WWOX: variants seen among roughly 807,000 people sequenced by gnomAD.
WWOX encodes WW domain containing oxidoreductase, also known as WW domain-containing oxidoreductase.
A neutral mutation model predicts 46.2 loss-of-function variants in WWOX; 69 were observed. That is an observed-to-expected ratio of 1.49 (90% CI 1.23 to 1.82). The LOEUF is 1.82. Among genes scored for constraint, WWOX ranks in the 40% most tolerant of loss-of-function variants. WWOX has a pLI of 0.00. For synonymous variants in WWOX, 359 were observed against 202.6 expected (o/e 1.77, Z -6.56); for missense variants, 919 against 542.6 (o/e 1.69, Z -6.89).
intron 8 of WWOX, among the ~76,000 whole-genome samples, chr16:78,970,034 G>A (rs1271139111): frequency 6.6e-6 from 1 of 152,090 alleles, no homozygotes; most frequent in Non-Finnish European, 1.5e-5. Context: ...TTAAAAAATT[G>A]TATGAAAACT....
At chr16:78,913,431 G>A (rs2045163310) in intron 8 of WWOX, among the ~76,000 whole-genome samples, 1 of 151,824 alleles carries the variant, frequency 6.6e-6, no homozygotes, top group South Asian at 2.1e-4. Flanking sequence ...AACCTGTCTT[G>A]CAAAACCCTC....
chr16:78,677,585 C>T (rs938474410), intron 8 of WWOX, among the ~76,000 whole-genome samples: 1 of 152,196 alleles, frequency 6.6e-6, no homozygotes, highest in African/African-American at 2.4e-5. Context: ...ACCCCCAAAA[C>T]TCCATGTTGT....
chr16:78,165,042 C>G (rs958806737), intron 5 of WWOX, among the ~76,000 whole-genome samples: 1 of 152,172 alleles, frequency 6.6e-6, no homozygotes, highest in Non-Finnish European at 1.5e-5. Context: ...GAGGTAGGCA[C>G]AAGCCTGGAG....
intron 5 of WWOX, among the ~76,000 whole-genome samples, chr16:78,275,898 C>G (rs568186001): frequency 6.6e-6 from 1 of 151,954 alleles, no homozygotes; most frequent in Admixed American, 6.5e-5. Flanking sequence ...AGCCTCTTGT[C>G]GAGGAGTGCA....
At chr16:79,156,040 C>T (rs140980776) in intron 8 of WWOX, among the ~76,000 whole-genome samples, 3 of 152,118 alleles carry the variant, frequency 2.0e-5, no homozygotes, top group East Asian at 1.9e-4. Context: ...TTACAATTTC[C>T]AGGAAATCAG....
chr16:78,544,776 G>A (rs1306925196), intron 8 of WWOX, among the ~76,000 whole-genome samples: 1 of 152,146 alleles, frequency 6.6e-6, no homozygotes, highest in Non-Finnish European at 1.5e-5. Context: ...TCAGGAGACT[G>A]CGGTAGGGGG....
At chr16:78,132,465 T>G (rs1337941130) in intron 4 of WWOX, among the ~76,000 whole-genome samples, 1 of 152,232 alleles carries the variant, frequency 6.6e-6, no homozygotes, top group East Asian at 1.9e-4. Flanking sequence ...CAAGTTTAAT[T>G]GCTTCTTCTG....
intron 5 of WWOX, among the ~76,000 whole-genome samples, chr16:78,327,619 A>G (rs1405293228): frequency 3.9e-5 from 6 of 152,160 alleles, no homozygotes; most frequent in African/African-American, 1.4e-4. Flanking sequence ...TTGCCATGAC[A>G]CAGAGATTCC....
chr16:78,788,814 G>T (rs571515327), intron 8 of WWOX, among the ~76,000 whole-genome samples: 1 of 152,286 alleles, frequency 6.6e-6, no homozygotes, highest in South Asian at 2.1e-4. Flanking sequence ...CTGGGGGTAT[G>T]GGGGGCAGTC....
At chr16:78,802,447 G>C (rs2050915478) in intron 8 of WWOX, among the ~76,000 whole-genome samples, 1 of 151,966 alleles carries the variant, frequency 6.6e-6, no homozygotes, top group Non-Finnish European at 1.5e-5. Context: ...GTTTATGGAA[G>C]GCTTTGGAAA....
At chr16:78,701,576 A>G (rs2048218803) in intron 8 of WWOX, among the ~76,000 whole-genome samples, 1 of 150,372 alleles carries the variant, frequency 6.7e-6, no homozygotes, top group African/African-American at 2.5e-5. Context: ...CCCCCGATAT[A>G]CTCAACATAT....
chr16:79,171,616 A>C (rs1169095992), intron 8 of WWOX, among the ~76,000 whole-genome samples: 1 of 152,190 alleles, frequency 6.6e-6, no homozygotes, highest in East Asian at 1.9e-4. Flanking sequence ...AGAGTATCTC[A>C]GTGTTGAGTC....
chr16:78,805,134 G>C (rs1293708472), intron 8 of WWOX, among the ~76,000 whole-genome samples: 2 of 141,288 alleles, frequency 1.4e-5, no homozygotes, highest in Non-Finnish European at 3.1e-5. Flanking sequence ...AAAATTTAAG[G>C]ACTAGATTGT....
chr16:78,986,619 A>T (rs1158319094), intron 8 of WWOX, among the ~76,000 whole-genome samples: 1 of 152,090 alleles, frequency 6.6e-6, no homozygotes, highest in African/African-American at 2.4e-5. Context: ...GGCGGACATC[A>T]CTCATTCATC....
intron 8 of WWOX, among the ~76,000 whole-genome samples, chr16:78,699,253 G>A (rs2048162544): frequency 6.6e-6 from 1 of 152,166 alleles, no homozygotes; most frequent in African/African-American, 2.4e-5. Context: ...AGTTCATGCA[G>A]CACGGTGTGA....
intron 5 of WWOX, among the ~76,000 whole-genome samples, chr16:78,183,610 A>C (rs1373858119): frequency 6.6e-6 from 1 of 152,182 alleles, no homozygotes; most frequent in African/African-American, 2.4e-5. Context: ...ATTAAATGAG[A>C]TAACAGTGCC....
chr16:79,142,477 C>T (rs977649427), intron 8 of WWOX, among the ~76,000 whole-genome samples: 4 of 152,178 alleles, frequency 2.6e-5, no homozygotes, highest in Admixed American at 2.6e-4. Flanking sequence ...GGGCTCCCTC[C>T]TCCCCACCAA....
chr16:79,094,237 GTTTTTCTTTTTTTTTTT>G (rs2049022976), intron 8 of WWOX, among the ~76,000 whole-genome samples: 2 of 149,954 alleles, frequency 1.3e-5, no homozygotes, highest in South Asian at 2.1e-4. Flanking sequence ...ATTTCCTGAG[GTTTTTCTTTTTTTTTTT>G]TTTTTCTTTT....
chr16:78,930,054 C>G (rs555885223), intron 8 of WWOX, among the ~76,000 whole-genome samples: 1 of 152,034 alleles, frequency 6.6e-6, no homozygotes, highest in Non-Finnish European at 1.5e-5. Flanking sequence ...TGGGCGTGTC[C>G]TTAGGGGAAG....
Sources: gnomAD v4.1 joint callset for allele counts (sites outside exome capture counted in the v4.1 genomes callset) on GRCh38, gnomAD v4.1.1 for gene constraint, MANE v1.5 for transcripts, NCBI Gene and HGNC (gene_info 2026-07-23, HGNC 2026-07-21) for gene names.